The following FGF14 variants were observed in gnomAD, a reference collection of about 807,000 sequenced individuals.
FGF14 encodes fibroblast growth factor 14.
Under a neutral mutation model 25.5 loss-of-function variants are expected in FGF14, and 5 were observed. The ratio of observed to expected loss-of-function variants is 0.20; its 90% CI spans 0.10 to 0.41. FGF14 has a LOEUF of 0.41. Ranked by LOEUF, FGF14 falls within the 10% of genes least tolerant of loss-of-function variation. FGF14 has a pLI of 1.00. For missense variants in FGF14, 222 were observed against 320.1 expected (o/e 0.69, Z 2.34); for synonymous variants, 138 against 118.3 (o/e 1.17, Z -1.08).
At chr13:102,371,912 G>C (rs1183467234) in intron 1 of FGF14, among the ~76,000 whole-genome samples, 1 of 152,058 alleles carries the variant, frequency 6.6e-6, no homozygotes, top group African/African-American at 2.4e-5. Flanking sequence ...TCTTTAAAAA[G>C]GATATACTTA....
rs572565806 is a variant in FGF14, at chr13:101,769,973, G to A, written c.409-43163C>T. ...ATGATGGACTTTGGGTGCTAATGAT[G>A]CATCATGTAGGTTCATCAATTGTCA... On this transcript the variant is annotated intron_variant, in intron 3 of 4. Coordinates refer to ENST00000376143, the MANE Select transcript of FGF14 (RefSeq NM_004115.4). 1.2e-4 allele frequency among the ~76,000 whole-genome samples: 19 copies of A among 152,180 alleles called. No individual in the cohort carries two copies. In the South Asian group the frequency reaches 3.5e-3, roughly 28 times the overall value.
intron 1 of FGF14, among the ~76,000 whole-genome samples, chr13:101,942,600 G>T (rs1360756289): frequency 6.6e-6 from 1 of 152,146 alleles, no homozygotes; most frequent in Non-Finnish European, 1.5e-5. Flanking sequence ...GAAACAAACT[G>T]AGCTAAAAAG....
chr13:101,907,958 T>A (rs2032449799), intron 1 of FGF14, among the ~76,000 whole-genome samples: 1 of 152,102 alleles, frequency 6.6e-6, no homozygotes, highest in Non-Finnish European at 1.5e-5. Flanking sequence ...AGTAAATGGA[T>A]AGATCTGCAG....
At chr13:102,296,251 T>C (rs1234584887) in intron 1 of FGF14, among the ~76,000 whole-genome samples, 1 of 152,174 alleles carries the variant, frequency 6.6e-6, no homozygotes, top group Non-Finnish European at 1.5e-5. Context: ...TTAAAATGTT[T>C]TCCAATAGAT....
chr13:101,838,799 A>G (rs189526825), intron 3 of FGF14, among the ~76,000 whole-genome samples: 9 of 152,208 alleles, frequency 5.9e-5, no homozygotes, highest in African/African-American at 2.2e-4. Flanking sequence ...AAACTCCTAA[A>G]TAATGAAAAA....
intron 1 of FGF14, among the ~76,000 whole-genome samples, chr13:102,076,818 G>C (rs563659401): frequency 6.6e-6 from 1 of 151,974 alleles, no homozygotes; most frequent in South Asian, 2.1e-4. Context: ...AATAACCAAA[G>C]AAATATTGAG....
chr13:101,753,651 A>G (rs1341988072), intron 3 of FGF14, among the ~76,000 whole-genome samples: 1 of 152,134 alleles, frequency 6.6e-6, no homozygotes, highest in African/African-American at 2.4e-5. Flanking sequence ...CTAAAAATAA[A>G]AATCAGCTGG....
chr13:101,999,719 GA>G (rs1366807216), intron 1 of FGF14, among the ~76,000 whole-genome samples: 1 of 152,092 alleles, frequency 6.6e-6, no homozygotes, highest in Admixed American at 6.5e-5. Flanking sequence ...ACTAACCCAA[GA>G]CTCTTAATTT....
intron 1 of FGF14, among the ~76,000 whole-genome samples, chr13:102,219,233 TTCTG>T (rs946531654): frequency 1.3e-5 from 2 of 152,222 alleles, no homozygotes; most frequent in Non-Finnish European, 2.9e-5. Context: ...AAAAGACATT[TTCTG>T]TTTCCTGTGT....
At chr13:102,225,933 G>T (rs58483982) in intron 1 of FGF14, among the ~76,000 whole-genome samples, 4 of 152,108 alleles carry the variant, frequency 2.6e-5, no homozygotes, top group Non-Finnish European at 1.5e-5. Flanking sequence ...GGTCGTGGCC[G>T]CATATTTATT....
chr13:101,960,874 T>A (rs898725638), intron 1 of FGF14, among the ~76,000 whole-genome samples: 6 of 152,262 alleles, frequency 3.9e-5, no homozygotes, highest in Admixed American at 2.0e-4. Context: ...GACTTTTTAA[T>A]AATCGTCATT....
chr13:101,978,130 A>C (rs1164764216), intron 1 of FGF14, among the ~76,000 whole-genome samples: 1 of 152,198 alleles, frequency 6.6e-6, no homozygotes, highest in Non-Finnish European at 1.5e-5. Context: ...GTTAACAAAA[A>C]TTGGGGTGCT....
intron 3 of FGF14, among the ~76,000 whole-genome samples, chr13:101,816,303 C>G (rs1178966335): frequency 7.2e-6 from 1 of 138,754 alleles, no homozygotes; most frequent in Non-Finnish European, 1.5e-5. Context: ...TACCCGAAAT[C>G]TAAAGGGAGA....
chr13:102,211,371 T>C lies in FGF14; in HGVS notation c.208+190100A>G, dbSNP rs542273070. Among the ~76,000 whole-genome samples the C allele has an allele frequency of 3.3e-5, 5 of 152,334 alleles. No homozygotes were observed. In the South Asian group the frequency reaches 1.0e-3, roughly 32 times the overall value. ...ATTTTAAACAACAGCATTTAAAGAA[T>C]GCCTTGCTCTGTTGTAAATTTGCTT... is the stretch of plus-strand genomic sequence containing the variant. On this transcript the variant is annotated intron_variant, in intron 1 of 4. Transcript: ENST00000376131.
chr13:102,306,870 A>T (rs184833425), intron 1 of FGF14, among the ~76,000 whole-genome samples: 1 of 152,114 alleles, frequency 6.6e-6, no homozygotes, highest in Non-Finnish European at 1.5e-5. Context: ...CACCCCCTGC[A>T]AATACGTCCA....
chr13:102,262,148 A>C (rs568801081), intron 1 of FGF14, among the ~76,000 whole-genome samples: 10 of 152,196 alleles, frequency 6.6e-5, no homozygotes, highest in Non-Finnish European at 8.8e-5. Context: ...GGATACAGCA[A>C]GAAATACTTG....
At chr13:102,177,894 T>A (rs2048510963) in intron 1 of FGF14, among the ~76,000 whole-genome samples, 3 of 152,268 alleles carry the variant, frequency 2.0e-5, no homozygotes, top group Admixed American at 2.0e-4. Context: ...AATCCTGAAT[T>A]ATATCTTCAA....
intron 3 of FGF14, among the ~76,000 whole-genome samples, chr13:101,867,195 A>G (rs1171930479): frequency 1.3e-5 from 2 of 152,170 alleles, no homozygotes; most frequent in Admixed American, 1.3e-4. Flanking sequence ...TCTTGTTTCT[A>G]TTCCTACTGC....
At position 102,341,587 on chromosome 13, in the gene FGF14, G is replaced by A. The variant is rs182097047; in HGVS notation, c.208+59884C>T. On this transcript the variant is annotated intron_variant, in intron 1 of 4. Transcript: ENST00000376131. ...ATTGTGAGCTCAAAGCAGGAAGGCT[G>A]ACAAAGCTGTTATTTGAAATATTTG... is the stretch of plus-strand genomic sequence containing the variant. Among the ~76,000 whole-genome samples the A allele has an allele frequency of 6.8e-4, 104 of 152,254 alleles. 1 individual carries two copies. Among genetic ancestry groups the A allele is most frequent in the African/African-American group, 2.5e-3 (102 of 41,552 alleles).
Sources: gnomAD v4.1 joint callset for allele counts (sites outside exome capture counted in the v4.1 genomes callset) on GRCh38, gnomAD v4.1.1 for gene constraint, MANE v1.5 for transcripts, NCBI Gene and HGNC (gene_info 2026-07-23, HGNC 2026-07-21) for gene names.